ZNF251: variants seen among roughly 807,000 people sequenced by gnomAD.
ZNF251 encodes the protein zinc finger protein 251.
Under a neutral mutation model 13.5 loss-of-function variants are expected in ZNF251, and 14 were observed. The ratio of observed to expected loss-of-function variants is 1.04; its 90% confidence interval spans 0.69 to 1.63. ZNF251 has a LOEUF of 1.63. Among genes scored for constraint, ZNF251 ranks in the 40% most tolerant of loss-of-function variants. The pLI, the probability that ZNF251 is intolerant of heterozygous loss-of-function variation, is 0.00. For missense variants in ZNF251, 764 were observed against 834.9 expected, an observed-to-expected ratio of 0.92 and a Z score of 1.05; for synonymous variants, 287 against 295.2, an observed-to-expected ratio of 0.97 and a Z score of 0.28.
rs933628017 is a variant in ZNF251 at position 144,724,150 on chromosome 8, A to G, written c.278-768T>C. ...TCCCAGCTACTCAGGAGGCTGAGGC[A>G]GGAGAATGGCGTGAACCCAGGAGGC... is the stretch of plus-strand genomic sequence containing the variant. On this transcript the variant is annotated intron_variant, in intron 4 of 4. Coordinates refer to ENST00000292562, the MANE Select transcript of ZNF251 (RefSeq NM_138367.2). 5.4e-5 allele frequency among the ~76,000 whole-genome samples: 8 copies of G among 149,104 alleles called. No homozygotes were observed. In the East Asian group the frequency reaches 6.3e-4, roughly 12 times the overall value.
At chr8:144,742,245 T>C (rs1250762331) in intron 4 of ZNF251, among the ~76,000 whole-genome samples, 7 of 151,810 alleles carry the variant, frequency 4.6e-5, no homozygotes, top group Admixed American at 1.3e-4. Flanking sequence ...GGTACTTTCA[T>C]ACACGAGAAA....
chr8:144,742,407 ATACTT>A (rs1479471458), intron 4 of ZNF251, among the ~76,000 whole-genome samples: 3 of 152,022 alleles, frequency 2.0e-5, no homozygotes, highest in East Asian at 1.9e-4. Flanking sequence ...TTTTTTGAAA[ATACTT>A]TATTTTTAGA....
At chr8:144,726,531 G>GT (rs1179910771) in intron 4 of ZNF251, among the ~76,000 whole-genome samples, 1 of 151,722 alleles carries the variant, frequency 6.6e-6, no homozygotes, top group African/African-American at 2.4e-5. Context: ...GTGAGACTCT[G>GT]TCTCAAAATA....
chr8:144,743,136 TCA>T (rs377373298), intron 4 of ZNF251, among the ~76,000 whole-genome samples: 463 of 152,324 alleles, frequency 3.0e-3, no homozygotes, highest in African/African-American at 0.011. Flanking sequence ...CCATCTGGGC[TCA>T]CTGCAAACTC....
intron 4 of ZNF251, among the ~76,000 whole-genome samples, chr8:144,742,481 A>G (rs1586699037): frequency 7.1e-6 from 1 of 140,968 alleles, no homozygotes; most frequent in Non-Finnish European, 1.5e-5. Flanking sequence ...CCCCCCACAC[A>G]CCTCCCCCAC....
intron 4 of ZNF251, among the ~76,000 whole-genome samples, chr8:144,730,270 C>A (rs1823655651): frequency 6.6e-6 from 1 of 152,260 alleles, no homozygotes. Flanking sequence ...AGAGGCCTTC[C>A]GTGGTAAGAC....
Position 144,729,347 on chromosome 8 carries a change from T to A in ZNF251, c.278-5965A>T, listed in dbSNP as rs548844865. ...TTTATTTATTTTTATTTTTTTTTTT[T>A]TTTTTGTGAGATAGAGTCTTGCTCT... is the stretch of plus-strand genomic sequence containing the variant. On this transcript the variant is annotated intron_variant, in intron 4 of 4. Coordinates refer to ENST00000292562, the MANE Select transcript of ZNF251 (RefSeq NM_138367.2). Among the ~76,000 whole-genome samples the A allele has an allele frequency of 7.2e-3, 898 of 125,558 alleles. 8 individuals carry two copies. The highest frequency in any genetic ancestry group is 0.021 in the African/African-American group (761 of 36,496). The allele number at this position is 125,558 out of a possible 152,430, so 82.4% of individuals were successfully genotyped here. A position where few individuals can be genotyped will look rare whatever the true frequency, so the allele number is the denominator to read the frequency against.
chr8:144,750,328 A>G (rs1824635756), intron 4 of ZNF251, among the ~76,000 whole-genome samples: 1 of 152,164 alleles, frequency 6.6e-6, no homozygotes, highest in African/African-American at 2.4e-5. Context: ...CTATGATACT[A>G]TGAGCAGGGC....
At position 144,754,182 on chromosome 8, in the gene ZNF251, A is replaced by G. The variant is rs372218097; in HGVS notation, c.163+10T>C. ...CCACTGCGAACCAGGCCAAGTGCAGAGAGCCTCACCCAGAGAGGCCACGTT... is the reference window on the plus strand; with the variant it reads ...CCACTGCGAACCAGGCCAAGTGCAGGGAGCCTCACCCAGAGAGGCCACGTT... On this transcript the variant is annotated intron_variant, in intron 3 of 4. Coordinates refer to ENST00000292562, the MANE Select transcript of ZNF251 (RefSeq NM_138367.2). 2.5e-6 allele frequency: 4 copies of G among 1,609,590 alleles called. No homozygotes were observed. The highest frequency in any genetic ancestry group is 3.4e-6 in the Non-Finnish European group (4 of 1,177,286).
Position 144,721,805 on chromosome 8 carries a change from G to A in ZNF251, c.1855C>T (p.Gln619Ter), listed in dbSNP as rs1296754981. The A allele has an allele frequency of 3.4e-6, 5 of 1,486,298 alleles. No homozygotes were observed. The highest frequency in any genetic ancestry group is 1.5e-5 in the South Asian group (1 of 65,640). 92.1% of individuals were successfully genotyped at this position (1,486,298 alleles called of 1,614,324 possible). ...LIQHQVTHTGQKPCHCSVYGK... is the reference protein window; with the variant it reads ...LIQHQVTHTG Reference sequence around the variant, plus strand: ...TACACACTGCAATGACATGGTTTCTGACCAGTGTGAGTTACCTGATGTTGA... The same window carrying A: ...TACACACTGCAATGACATGGTTTCTAACCAGTGTGAGTTACCTGATGTTGA... The change falls in exon 5 of 5, where the codon CAG becomes TAG. Residue 619 changes from glutamine to a stop codon, truncating the protein, a stop_gained. Transcript: ENST00000292562. LOFTEE classifies it low-confidence loss of function (END_TRUNC).
intron 4 of ZNF251, among the ~76,000 whole-genome samples, chr8:144,733,416 T>G (rs1217616338): frequency 6.6e-6 from 1 of 152,298 alleles, no homozygotes; most frequent in African/African-American, 2.4e-5. Flanking sequence ...CTGAGCTGCC[T>G]CCGCATGTGC....
Position 144,748,289 on chromosome 8 carries a change from G to A in ZNF251, c.277+5394C>T, listed in dbSNP as rs535074302. ...GGGTTTCATCATGTTGGCCAGGCTA[G>A]TCTTGAACTCCTGACCTCAAGTTAT... is the stretch of plus-strand genomic sequence containing the variant. On this transcript the variant is annotated intron_variant, in intron 4 of 4. Transcript: ENST00000292562. Among the ~76,000 whole-genome samples, 163 of 151,918 alleles carry A rather than the reference G, an allele frequency of 1.1e-3. 1 individual carries two copies. Among genetic ancestry groups the A allele is most frequent in the Non-Finnish European group, 1.7e-3 (118 of 67,988 alleles).
At chr8:144,727,348 C>T (rs747639225) in intron 4 of ZNF251, among the ~76,000 whole-genome samples, 7 of 152,234 alleles carry the variant, frequency 4.6e-5, no homozygotes, top group Non-Finnish European at 1.0e-4. Context: ...GCATTGCCTT[C>T]TCTCTAGCTA....
In ZNF251 at chr8:144,721,350, G is replaced by A; in HGVS notation, c.*294C>T. 1 of 392,600 alleles carries A rather than the reference G, an allele frequency of 2.5e-6. No homozygotes were observed. The highest frequency in any genetic ancestry group is 4.5e-6 in the Non-Finnish European group (1 of 223,002). The allele number at this position is 392,600 out of a possible 1,614,324, so 24.3% of individuals were successfully genotyped here. On this transcript the variant is annotated 3_prime_UTR_variant, in exon 5 of 5. Coordinates refer to ENST00000292562, the MANE Select transcript of ZNF251 (RefSeq NM_138367.2). ...AAGGATGTCAGGTAGGGTAGACCCA[G>A]AGCACCAGCTGGGCTCACTTTTCAC...
At chr8:144,754,068 G>C (rs1824833482) in intron 3 of ZNF251, 124 bp downstream of exon 3, 1 of 1,359,290 alleles carries the variant, frequency 7.4e-7, no homozygotes, top group African/African-American at 1.5e-5. Context: ...CTTCTGTAGA[G>C]ATCAGACTGA....
Position 144,754,312 on chromosome 8 carries a change from G to T in ZNF251, c.43C>A (p.Leu15Met). ...TACACGGCCACATCCTGGAAGGTCA[G>T]CGGCATCTCCTGCAACAAAACATCG... Reference protein sequence around the residue: ...FQLPGHQEMPLTFQDVAVYFS... With the variant: ...FQLPGHQEMPMTFQDVAVYFS... The change falls in exon 3 of 5, where the codon CTG becomes ATG. Residue 15 changes from leucine (L) to methionine (M), a missense_variant. Transcript: ENST00000292562. The T allele has an allele frequency of 6.2e-7, 1 of 1,608,676 alleles. No individual in the cohort carries two copies. Among genetic ancestry groups the T allele is most frequent in the Non-Finnish European group, 8.5e-7 (1 of 1,177,522 alleles).
chr8:144,736,057 C>G (rs1327032486), intron 4 of ZNF251, among the ~76,000 whole-genome samples: 4 of 152,194 alleles, frequency 2.6e-5, no homozygotes, highest in Non-Finnish European at 5.9e-5. Flanking sequence ...CCCTCATGGG[C>G]CCCCACGCTG....
At chr8:144,729,622 T>C (rs2467663) in intron 4 of ZNF251, among the ~76,000 whole-genome samples, 65,207 of 151,798 alleles carry the variant, frequency 0.43, 14,740 homozygotes, top group East Asian at 0.71. Context: ...AGGCGTGAGC[T>C]ACCGCACCCG....
chr8:144,754,115 A>G, intron 3 of ZNF251, 77 bp downstream of exon 3: 1 of 1,531,738 alleles, frequency 6.5e-7, no homozygotes, highest in Non-Finnish European at 8.8e-7. Context: ...CTTCTTTGGG[A>G]TCCAAAGAGC....
Sources: gnomAD v4.1 joint callset for allele counts (sites outside exome capture counted in the v4.1 genomes callset) on GRCh38, gnomAD v4.1.1 for gene constraint, MANE v1.5 for transcripts, NCBI Gene and HGNC (gene_info 2026-07-23, HGNC 2026-07-21) for gene names.